Variants in NFIX observed in about 807,000 individuals in gnomAD.
NFIX encodes nuclear factor 1 X-type.
A neutral mutation model predicts 53.3 loss-of-function variants in NFIX; 2 were observed. The observed-to-expected ratio is 0.04, with a 90% CI of 0.02 to 0.12. The LOEUF (loss-of-function observed/expected upper bound fraction) is 0.12. Among genes scored for constraint, NFIX ranks in the 10% least tolerant of loss-of-function variants. The pLI, the probability that NFIX is intolerant of heterozygous loss-of-function variation, is 1.00. For missense variants in NFIX, 310 were observed against 674.5 expected (o/e 0.46, Z 5.99); for synonymous variants, 244 against 289.0 (o/e 0.84, Z 1.58).
chr19:13,085,900 C>T (rs1044193621), intron 8 of NFIX, among the ~76,000 whole-genome samples: 5 of 152,314 alleles, frequency 3.3e-5, no homozygotes, highest in African/African-American at 9.6e-5. Flanking sequence ...GTGCTGCATG[C>T]TTCTGCCGAC....
rs146349761 is a variant in NFIX, at chr19:13,092,653, G to A, written c.1495-1982G>A. 5.9e-4 allele frequency among the ~76,000 whole-genome samples: 90 copies of A among 152,348 alleles called. No homozygotes were observed. In the East Asian group the frequency reaches 0.016, roughly 27 times the overall value. On this transcript the variant is annotated intron_variant, in intron 10 of 10. Coordinates refer to ENST00000592199, the MANE Select transcript of NFIX (RefSeq NM_001365902.3). ...CAGAGTCAGCCTCCCCCTCAACCTC[G>A]GGGCAATGGCACAGGGTTCCTGTAT... is the stretch of plus-strand genomic sequence containing the variant.
intron 2 of NFIX, among the ~76,000 whole-genome samples, chr19:13,069,356 C>T (rs941895571): frequency 1.3e-5 from 2 of 152,148 alleles, no homozygotes; most frequent in South Asian, 2.1e-4. Flanking sequence ...AGACAGTCCT[C>T]GGGGGTGTCG....
rs1247746350 is a variant in NFIX, at chr19:13,073,331, G to C, written c.623-91G>C. ...CTGGAGCTGGAAACGGGACTTGGGAGGGAGAAGCAACAGTGTGGAAGACCT... is the reference window on the plus strand; with the variant it reads ...CTGGAGCTGGAAACGGGACTTGGGACGGAGAAGCAACAGTGTGGAAGACCT... On this transcript the variant is annotated intron_variant, in intron 3 of 10. Transcript: ENST00000592199. This position sits in a 1 kb window ranked among gnomAD's most constrained non-coding sequence, Gnocchi z 4.5. 2 of 1,173,642 alleles carry C rather than the reference G, an allele frequency of 1.7e-6. No homozygotes were observed. The highest frequency in any genetic ancestry group is 2.6e-6 in the Non-Finnish European group (2 of 779,380). 72.7% of individuals were successfully genotyped at this position (1,173,642 alleles called of 1,614,324 possible).
chr19:13,088,780 C>T lies in NFIX; in HGVS notation c.1402+644C>T, dbSNP rs951597463. Among the ~76,000 whole-genome samples the T allele has an allele frequency of 1.3e-5, 2 of 152,134 alleles. No individual in the cohort carries two copies. Among genetic ancestry groups the T allele is most frequent in the African/African-American group, 4.8e-5 (2 of 41,428 alleles). On this transcript the variant is annotated intron_variant, in intron 9 of 10. Transcript: ENST00000592199. This position sits in a 1 kb window ranked among gnomAD's most constrained non-coding sequence, Gnocchi z 5.9. ...AATTCCTTTCCCAGGTTAGATGTTC[C>T]AAGGACGAGGGAGGGCTGTGGGCTT...
At position 13,043,960 on chromosome 19, in the gene NFIX, A is replaced by C. The variant is rs2014812601; in HGVS notation, c.559+18408A>C. Among the ~76,000 whole-genome samples the C allele has an allele frequency of 6.6e-6, 1 of 152,076 alleles. No individual in the cohort carries two copies. Among genetic ancestry groups the C allele is most frequent in the Non-Finnish European group, 1.5e-5 (1 of 68,008 alleles). ...CGTAGCAAGACCCCCATCTCTATAA[A>C]ATAAAATTTAAAAAAAAAGAAAAAA... On this transcript the variant is annotated intron_variant, in intron 2 of 10. Coordinates refer to ENST00000592199, the MANE Select transcript of NFIX (RefSeq NM_001365902.3). This position sits in a 1 kb window ranked among gnomAD's most constrained non-coding sequence, Gnocchi z 4.0.
intron 2 of NFIX, among the ~76,000 whole-genome samples, chr19:13,050,009 A>G (rs1041802769): frequency 6.6e-6 from 1 of 152,264 alleles, no homozygotes; most frequent in African/African-American, 2.4e-5. Flanking sequence ...GTAATGTTGC[A>G]GTAAACATGC....
intron 2 of NFIX, among the ~76,000 whole-genome samples, chr19:13,069,053 G>A (rs2016604504): frequency 6.6e-6 from 1 of 152,248 alleles, no homozygotes; most frequent in Non-Finnish European, 1.5e-5. Context: ...CAAGTGGGAA[G>A]CAGCTAAGAG....
In NFIX at chr19:13,052,700, C is replaced by T. The variant is rs1042818660; in HGVS notation, c.560-20347C>T. ...AACCCTGCCGATTCCATATACTGTG[C>T]TCATCTCGACCCAGTTGAGGCTGTG... On this transcript the variant is annotated intron_variant, in intron 2 of 10. Transcript: ENST00000592199. This position sits in a 1 kb window ranked among gnomAD's most constrained non-coding sequence, Gnocchi z 5.2. Among the ~76,000 whole-genome samples the T allele has an allele frequency of 6.0e-4, 91 of 152,188 alleles. No individual in the cohort carries two copies. The highest frequency in any genetic ancestry group is 1.9e-3 in the African/African-American group (78 of 41,410).
chr19:13,023,550 C>T (rs1194960060), intron 1 of NFIX, among the ~76,000 whole-genome samples: 3 of 150,540 alleles, frequency 2.0e-5, no homozygotes, highest in East Asian at 1.9e-4. Context: ...TTGTTTTGCA[C>T]GGGGGTGGGG....
rs371866032 is a variant in NFIX at position 13,056,574 on chromosome 19, G to A, written c.560-16473G>A. 6.4e-4 allele frequency among the ~76,000 whole-genome samples: 98 copies of A among 152,150 alleles called. 1 individual carries two copies. In the East Asian group the frequency reaches 0.018, roughly 27 times the overall value. On this transcript the variant is annotated intron_variant, in intron 2 of 10. Transcript: ENST00000592199. The stretch of plus-strand genomic sequence containing the variant: ...TTCTAGGATGCTTCATTTGAAATTC[G>A]GCCTCCCTGGAGTGGGGTGGGACCC...
At chr19:13,075,955 C>T (rs568461747) in intron 6 of NFIX, among the ~76,000 whole-genome samples, 8 of 152,110 alleles carry the variant, frequency 5.3e-5, no homozygotes, top group Middle Eastern at 3.2e-3. Flanking sequence ...GTGGGATGGC[C>T]GCAGCCCCTC....
chr19:13,059,245 C>A (rs2015904379), intron 2 of NFIX, among the ~76,000 whole-genome samples: 1 of 152,212 alleles, frequency 6.6e-6, no homozygotes, highest in Non-Finnish European at 1.5e-5. Context: ...ATGGTTCAGT[C>A]TCCCTGTAAT....
intron 1 of NFIX, 67 bp from the exon 2 acceptor site, chr19:13,024,954 C>A: frequency 6.5e-7 from 1 of 1,544,786 alleles, no homozygotes; most frequent in Non-Finnish European, 8.8e-7. Context: ...CTCTCTTTCC[C>A]CCTCATCCCG....
chr19:13,035,885 C>T (rs1166437887), intron 2 of NFIX, among the ~76,000 whole-genome samples: 1 of 152,230 alleles, frequency 6.6e-6, no homozygotes, highest in Non-Finnish European at 1.5e-5. Context: ...CTTTTGTACC[C>T]TTGCCCGCAT....
At position 13,090,217 on chromosome 19, in the gene NFIX, C is replaced by T. The variant is rs944945132; in HGVS notation, c.1403-82C>T. 6.1e-6 allele frequency: 8 copies of T among 1,320,232 alleles called. No homozygotes were observed. In the African/African-American group the frequency reaches 1.0e-4, roughly 17 times the overall value. 81.8% of individuals were successfully genotyped at this position (1,320,232 alleles called of 1,614,324 possible). A position where few individuals can be genotyped will look rare whatever the true frequency, so the allele number is the denominator to read the frequency against. ...GCATGGTCTAACTCAGTCTCTCCCT[C>T]TCTCAGCAGCCCCGAGGGGCAGTGC... On this transcript the variant is annotated intron_variant, in intron 9 of 10. Transcript: ENST00000592199. The surrounding 1 kb of genome is among the most constrained non-coding windows in gnomAD (Gnocchi z 6.6).
Position 13,011,740 on chromosome 19 carries a change from CCCTA to C in NFIX, c.28-13277_28-13274del, listed in dbSNP as rs1049187217. On this transcript the variant is annotated intron_variant, in intron 1 of 10. Transcript: ENST00000592199. This position sits in a 1 kb window ranked among gnomAD's most constrained non-coding sequence, Gnocchi z 6.5. ...GCATTAGGTCGCGTGCCTGTACGTACCCTACCTGAGACCGCCCCTCCGCCAAGTG... is the reference window on the plus strand; with the variant it reads ...GCATTAGGTCGCGTGCCTGTACGTACCCTGAGACCGCCCCTCCGCCAAGTG... Among the ~76,000 whole-genome samples the C allele has an allele frequency of 5.3e-5, 8 of 152,186 alleles. No individual in the cohort carries two copies. The highest frequency in any genetic ancestry group is 1.4e-4 in the African/African-American group (6 of 41,440).
At chr19:12,997,362 G>C (rs2011507346) in intron 1 of NFIX, among the ~76,000 whole-genome samples, 1 of 152,246 alleles carries the variant, frequency 6.6e-6, no homozygotes, top group Admixed American at 6.5e-5. Flanking sequence ...CGTGTGTGTG[G>C]CCCAGGGAGC....
In NFIX at chr19:13,054,274, C is replaced by T. The variant is rs1007070838; in HGVS notation, c.560-18773C>T. ...TCCAGCTGACTTTGGTGGGTTTCGCCGAGCCTCTGTTGATATGTTCTCATC... is the reference window on the plus strand; with the variant it reads ...TCCAGCTGACTTTGGTGGGTTTCGCTGAGCCTCTGTTGATATGTTCTCATC... On this transcript the variant is annotated intron_variant, in intron 2 of 10. Coordinates refer to ENST00000592199, the MANE Select transcript of NFIX (RefSeq NM_001365902.3). Among the ~76,000 whole-genome samples the T allele has an allele frequency of 5.3e-5, 8 of 152,144 alleles. No homozygotes were observed. The South Asian group carries it at 1.5e-3, about 28-fold the overall frequency.
chr19:13,027,112 T>C lies in NFIX; in HGVS notation c.559+1560T>C, dbSNP rs1445455073. 1.3e-5 allele frequency among the ~76,000 whole-genome samples: 2 copies of C among 152,054 alleles called. No individual in the cohort carries two copies. Among genetic ancestry groups the C allele is most frequent in the Non-Finnish European group, 2.9e-5 (2 of 68,010 alleles). ...GAGAACTGTGGAGAGGAGAAGGTGG[T>C]ATTGGAATTCTTGTCCTGAGAGGTT... On this transcript the variant is annotated intron_variant, in intron 2 of 10. Transcript: ENST00000592199. This position sits in a 1 kb window ranked among gnomAD's most constrained non-coding sequence, Gnocchi z 4.3.
Sources: allele counts gnomAD v4.1 joint callset (sites outside exome capture counted in the v4.1 genomes callset), GRCh38; gene constraint gnomAD v4.1.1; non-coding constraint Gnocchi (gnomAD v3.1); transcripts MANE v1.5; gene names NCBI Gene and HGNC (gene_info 2026-07-23, HGNC 2026-07-21).